RALGAPA1: variants seen among roughly 807,000 people sequenced by gnomAD.
The protein encoded by RALGAPA1 is ral GTPase-activating protein subunit alpha-1.
A neutral mutation model predicts 269.6 loss-of-function variants in RALGAPA1; 52 were observed. The ratio of observed to expected loss-of-function variants is 0.19; its 90% confidence interval spans 0.15 to 0.24. The LOEUF (loss-of-function observed/expected upper bound fraction) is 0.24. RALGAPA1 is among the 10% of genes least tolerant of loss of function. RALGAPA1 has a pLI of 1.00. For synonymous variants in RALGAPA1, 817 were observed against 1,008.3 expected (o/e 0.81, Z 3.60); for missense variants, 1,917 against 3,013.9 (o/e 0.64, Z 8.52).
At chr14:35,681,870 A>G (rs1218644332) in intron 21 of RALGAPA1, among the ~76,000 whole-genome samples, 1 of 152,200 alleles carries the variant, frequency 6.6e-6, no homozygotes, top group African/African-American at 2.4e-5. Context: ...TCTTTTTTAG[A>G]ATGTTATACA....
At position 35,624,856 on chromosome 14, in the gene RALGAPA1, A is replaced by T. The variant is rs78052351; in HGVS notation, c.6929+505T>A. ...CAAAGGCTATTTTACAGGTCCAGTT[A>T]GTTTTCTGTGATTCAAAAGATGATT... On this transcript the variant is annotated intron_variant, in intron 35 of 41. Transcript: ENST00000680220. 1.4e-4 allele frequency among the ~76,000 whole-genome samples: 22 copies of T among 152,246 alleles called. No individual in the cohort carries two copies. In the South Asian group the frequency reaches 4.1e-3, roughly 29 times the overall value.
rs200150788 is a variant in RALGAPA1, at chr14:35,635,533, G to T, written c.5742C>A (p.Leu1914=). 1 of 1,609,198 alleles carries T rather than the reference G, an allele frequency of 6.2e-7. No individual in the cohort carries two copies. ...WIMALPLKTL[L]QPFHATGAES... ...CTGCTCCCGTAGCATGAAATGGTTG[G>T]AGCAGTGTCTTTAGAGGTAAGGCCA... Residue 1914 remains leucine, a synonymous_variant, in exon 32 of 42, where the codon CTC becomes CTA. Coordinates refer to ENST00000680220, the MANE Select transcript of RALGAPA1 (RefSeq NM_001346249.2).
At chr14:35,691,115 A>G (rs955207060) in intron 17 of RALGAPA1, among the ~76,000 whole-genome samples, 5 of 150,830 alleles carry the variant, frequency 3.3e-5, no homozygotes, top group Non-Finnish European at 5.9e-5. Context: ...ATAGATGGAC[A>G]TTCAGAGATT....
At position 35,658,676 on chromosome 14, in the gene RALGAPA1, T is replaced by C. The variant is rs545400486; in HGVS notation, c.5387+462A>G. Among the ~76,000 whole-genome samples, 3 of 150,994 alleles carry C rather than the reference T, an allele frequency of 2.0e-5. No homozygotes were observed. The East Asian group carries it at 5.8e-4, about 29-fold the overall frequency. Reference sequence around the variant, plus strand: ...TAGAAAAAAATCTAAAACTATGACATATTCTATTTTTAAAAATCTTGATCA... The same window carrying C: ...TAGAAAAAAATCTAAAACTATGACACATTCTATTTTTAAAAATCTTGATCA... On this transcript the variant is annotated intron_variant, in intron 28 of 41. Coordinates refer to ENST00000680220, the MANE Select transcript of RALGAPA1 (RefSeq NM_001346249.2).
At chr14:35,667,176 C>A (rs889343957) in intron 26 of RALGAPA1, among the ~76,000 whole-genome samples, 1 of 151,904 alleles carries the variant, frequency 6.6e-6, no homozygotes, top group Non-Finnish European at 1.5e-5. Context: ...CTGAGGCGGG[C>A]GGATCACGAG....
chr14:35,739,199 A>G (rs893955435), intron 11 of RALGAPA1, among the ~76,000 whole-genome samples: 1 of 152,224 alleles, frequency 6.6e-6, no homozygotes, highest in African/African-American at 2.4e-5. Context: ...TAAAAAGTAC[A>G]AACAGAAATG....
intron 1 of RALGAPA1, among the ~76,000 whole-genome samples, chr14:35,795,338 A>G (rs918154860): frequency 1.3e-5 from 2 of 152,160 alleles, no homozygotes; most frequent in Admixed American, 6.6e-5. Context: ...ACAGCTACAC[A>G]CAGTGAGAAT....
At chr14:35,784,023 A>G (rs900967284) in intron 1 of RALGAPA1, among the ~76,000 whole-genome samples, 2 of 152,136 alleles carry the variant, frequency 1.3e-5, no homozygotes, top group African/African-American at 4.8e-5. Context: ...AGTTTAATAT[A>G]GAGTTATCAT....
In RALGAPA1 at chr14:35,671,522, G is replaced by A. The variant is rs781449444; in HGVS notation, c.5074-5C>T. 1.3e-5 allele frequency: 19 copies of A among 1,510,236 alleles called. No individual in the cohort carries two copies. In the Admixed American group the frequency reaches 3.2e-4, roughly 26 times the overall value. 93.6% of individuals were successfully genotyped at this position (1,510,236 alleles called of 1,614,324 possible). ...GATGATTGTATTGACAATATCCTTAGAATAAGGAAAGAAGGAAAAAAGAAT... is the reference window on the plus strand; with the variant it reads ...GATGATTGTATTGACAATATCCTTAAAATAAGGAAAGAAGGAAAAAAGAAT... On this transcript the variant is annotated splice_polypyrimidine_tract_variant and splice_region_variant and intron_variant, in intron 25 of 41. Coordinates refer to ENST00000680220, the MANE Select transcript of RALGAPA1 (RefSeq NM_001346249.2).
intron 36 of RALGAPA1, among the ~76,000 whole-genome samples, chr14:35,601,647 G>A (rs2059295191): frequency 6.6e-6 from 1 of 152,070 alleles, no homozygotes; most frequent in Non-Finnish European, 1.5e-5. Flanking sequence ...TCCAAGTCTG[G>A]GATATATGAG....
At chr14:35,755,086 G>A (rs1446173079) in intron 7 of RALGAPA1, among the ~76,000 whole-genome samples, 3 of 152,200 alleles carry the variant, frequency 2.0e-5, no homozygotes, top group South Asian at 2.1e-4. Context: ...GGTGGCTCAC[G>A]CCTATAATCA....
At chr14:35,551,562 A>T (rs1424503218) in intron 39 of RALGAPA1, among the ~76,000 whole-genome samples, 1 of 152,174 alleles carries the variant, frequency 6.6e-6, no homozygotes, top group Non-Finnish European at 1.5e-5. Flanking sequence ...CTACTTTCAG[A>T]GGGCCTATAA....
Position 35,748,789 on chromosome 14 carries a change from G to C in RALGAPA1, c.1047C>G (p.Ser349Arg), listed in dbSNP as rs1158712333. 7.5e-6 allele frequency: 12 copies of C among 1,605,514 alleles called. No homozygotes were observed. The highest frequency in any genetic ancestry group is 9.3e-6 in the Non-Finnish European group (11 of 1,178,044). The change falls in exon 10 of 42, where the codon AGC becomes AGG. Residue 349 changes from serine (S) to arginine (R), a missense_variant. Ser to Arg is a moderately radical substitution (Grantham distance 110, BLOSUM62 -1). This residue lies in a region of RALGAPA1 where 462 missense variants were observed against 725.6 expected (regional missense o/e 0.64). Coordinates refer to ENST00000680220, the MANE Select transcript of RALGAPA1 (RefSeq NM_001346249.2). ...AAASLVSREE[S>R]KNDNADKTDR... ...CTGTTTTATCAGCATTATCATTTTT[G>C]CTTTCTTCTCTGGATACTAAACTAG...
rs781475752 is a variant in RALGAPA1, at chr14:35,648,828, A to G, written c.5676+2977T>C. On this transcript the variant is annotated intron_variant, in intron 31 of 41. Coordinates refer to ENST00000680220, the MANE Select transcript of RALGAPA1 (RefSeq NM_001346249.2). ...AAACAGTGAATAAAGTCTGAGATCA[A>G]AAAAGCATTTTCGGGATGATTTGAT... Among the ~76,000 whole-genome samples, 32 of 152,202 alleles carry G rather than the reference A, an allele frequency of 2.1e-4. No homozygotes were observed. The East Asian group carries it at 6.0e-3, about 29-fold the overall frequency.
chr14:35,802,021 C>G (rs540110385), intron 1 of RALGAPA1, among the ~76,000 whole-genome samples: 21 of 152,264 alleles, frequency 1.4e-4, no homozygotes, highest in Admixed American at 1.2e-3. Context: ...AAAAAACTAA[C>G]AGAACTGGCT....
intron 39 of RALGAPA1, among the ~76,000 whole-genome samples, chr14:35,552,683 T>C (rs1445231187): frequency 6.7e-6 from 1 of 150,002 alleles, no homozygotes; most frequent in Non-Finnish European, 1.5e-5. Context: ...GGGAGACTTT[T>C]AGCTAGTAGG....
Position 35,689,318 on chromosome 14 carries a change from T to C in RALGAPA1, c.3093A>G (p.Thr1031=). The C allele has an allele frequency of 1.6e-6, 2 of 1,232,246 alleles. No individual in the cohort carries two copies. The highest frequency in any genetic ancestry group is 1.0e-6 in the Non-Finnish European group (1 of 988,048). 76.3% of individuals were successfully genotyped at this position (1,232,246 alleles called of 1,614,324 possible). The change falls in exon 18 of 42, where the codon ACA becomes ACG. Residue 1031 remains threonine (T), a synonymous_variant. Transcript: ENST00000680220. ...GTTGCTTAGATTTTTCAGAAGTTTGTGTTCTAAAAAAACTGTCTGACTGGT... is the reference window on the plus strand; with the variant it reads ...GTTGCTTAGATTTTTCAGAAGTTTGCGTTCTAAAAAAACTGTCTGACTGGT... The part of the protein sequence containing the change: ...APNQSDSFFR[T]QTSEKSKQLN...
chr14:35,807,625 G>C (rs1037173346), intron 1 of RALGAPA1, among the ~76,000 whole-genome samples: 1 of 152,094 alleles, frequency 6.6e-6, no homozygotes, highest in Non-Finnish European at 1.5e-5. Flanking sequence ...TCTACCTATA[G>C]AGTTATTGCA....
At chr14:35,648,402 AT>A (rs2062596412) in intron 31 of RALGAPA1, among the ~76,000 whole-genome samples, 1 of 149,604 alleles carries the variant, frequency 6.7e-6, no homozygotes, top group Non-Finnish European at 1.5e-5. Flanking sequence ...GGAGGCGGAG[AT>A]TGCAGTGAGC....
Sources: allele counts gnomAD v4.1 joint callset (sites outside exome capture counted in the v4.1 genomes callset), GRCh38; gene constraint gnomAD v4.1.1; regional missense constraint gnomAD v4.1.1; transcripts MANE v1.5; gene names NCBI Gene and HGNC (gene_info 2026-07-23, HGNC 2026-07-21).